Variants in ANKRD28 observed in about 807,000 individuals in gnomAD.
ANKRD28 encodes ankyrin repeat domain 28, also known as serine/threonine-protein phosphatase 6 regulatory ankyrin repeat subunit A.
In ANKRD28, 44 loss-of-function variants were observed where a neutral mutation model predicts 126.5. The ratio of observed to expected loss-of-function variants is 0.35; its 90% CI spans 0.27 to 0.45. ANKRD28 has a LOEUF of 0.45. Ranked by LOEUF, ANKRD28 falls within the 20% of genes least tolerant of loss-of-function variation. The probability of loss-of-function intolerance (pLI) is 1.00; values close to 1 mark genes in which losing one functional copy is unlikely to be tolerated. For synonymous variants in ANKRD28, 442 were observed against 468.5 expected (o/e 0.94, Z 0.73); for missense variants, 1,110 against 1,316.6 (o/e 0.84, Z 2.43).
chr3:15,699,800 G>T (rs1233109475), intron 14 of ANKRD28, among the ~76,000 whole-genome samples: 1 of 152,222 alleles, frequency 6.6e-6, no homozygotes, highest in Non-Finnish European at 1.5e-5. Flanking sequence ...GTGTAAATTA[G>T]TTCAACCATT....
chr3:15,764,609 A>G (rs1470083880), intron 3 of ANKRD28, among the ~76,000 whole-genome samples: 2 of 152,136 alleles, frequency 1.3e-5, no homozygotes, highest in Non-Finnish European at 2.9e-5. Context: ...AAAAATAATC[A>G]GAATTCTGTG....
At chr3:15,771,374 C>A (rs1332312892) in intron 2 of ANKRD28, among the ~76,000 whole-genome samples, 3 of 146,228 alleles carry the variant, frequency 2.1e-5, no homozygotes, top group African/African-American at 7.6e-5. Context: ...CCCGCCACTG[C>A]ACTGCAGCCT....
intron 6 of ANKRD28, among the ~76,000 whole-genome samples, chr3:15,730,680 T>A (rs891552908): frequency 1.3e-5 from 2 of 152,204 alleles, no homozygotes; most frequent in Admixed American, 6.5e-5. Flanking sequence ...TTTTAGAAGC[T>A]ATATGTCGAT....
Position 15,686,236 on chromosome 3 carries a change from T to G in ANKRD28, c.2037A>C (p.Gln679His). The change falls in exon 19 of 28, where the codon CAA becomes CAC. Residue 679 changes from glutamine (Q) to histidine (H), a missense_variant. Coordinates refer to ENST00000683139, the MANE Select transcript of ANKRD28 (RefSeq NM_001349278.2). ...NAEPQNAVDI[Q>H]DGNGQTPLML... Reference sequence around the variant, plus strand: ...TCGAAACTTACTGTCCATTTCCATCTTGAATATCCACTGCATTCTGTGGTT... The same window carrying G: ...TCGAAACTTACTGTCCATTTCCATCGTGAATATCCACTGCATTCTGTGGTT... The G allele has an allele frequency of 6.3e-7, 1 of 1,592,702 alleles. No homozygotes were observed. Among genetic ancestry groups the G allele is most frequent in the Non-Finnish European group, 8.6e-7 (1 of 1,168,160 alleles).
intron 1 of ANKRD28, among the ~76,000 whole-genome samples, chr3:15,858,467 C>A (rs912818344): frequency 2.6e-5 from 4 of 152,208 alleles, no homozygotes; most frequent in Non-Finnish European, 4.4e-5. Context: ...GGTTCTTCCC[C>A]ATTGTTTTCG....
Position 15,828,289 on chromosome 3 carries a change from T to G in ANKRD28, c.27+31088A>C, listed in dbSNP as rs146734113. 2.4e-3 allele frequency among the ~76,000 whole-genome samples: 364 copies of G among 152,226 alleles called. 7 individuals are homozygous for G. Among genetic ancestry groups the G allele is most frequent in the South Asian group, 2.7e-3 (13 of 4,832 alleles). Reference sequence around the variant, plus strand: ...GAATGATTATGGAAAAATTATTACCTTCTGAAAGTCTCAGAGAAACATGAA... The same window carrying G: ...GAATGATTATGGAAAAATTATTACCGTCTGAAAGTCTCAGAGAAACATGAA... On this transcript the variant is annotated intron_variant, in intron 1 of 27. Transcript: ENST00000399451.
intron 6 of ANKRD28, among the ~76,000 whole-genome samples, chr3:15,731,662 C>T (rs150962529): frequency 6.6e-6 from 1 of 151,838 alleles, no homozygotes; most frequent in Admixed American, 6.6e-5. Context: ...CCAGCCTGGT[C>T]AACATGGTGA....
chr3:15,826,435 T>G (rs2061068631), intron 1 of ANKRD28, among the ~76,000 whole-genome samples: 1 of 152,300 alleles, frequency 6.6e-6, no homozygotes, highest in East Asian at 1.9e-4. Flanking sequence ...AATTTAAAAT[T>G]TTAGAAAACA....
rs143796365 is a variant in ANKRD28 at position 15,829,672 on chromosome 3, A to C, written c.27+29705T>G. On this transcript the variant is annotated intron_variant, in intron 1 of 27. Coordinates refer to the ANKRD28 transcript ENST00000399451. ...TACAATATCAAAAGTCATATTTATT[A>C]ATATTACTACCAAAGCCACCACAAA... 8.5e-5 allele frequency among the ~76,000 whole-genome samples: 13 copies of C among 152,290 alleles called. 1 individual carries two copies. The highest frequency in any genetic ancestry group is 3.1e-4 in the African/African-American group (13 of 41,564).
chr3:15,755,338 C>T (rs762690390), intron 3 of ANKRD28, among the ~76,000 whole-genome samples: 6 of 152,058 alleles, frequency 3.9e-5, no homozygotes, highest in Non-Finnish European at 8.8e-5. Context: ...CAGTAATGTA[C>T]ACTACAAGAG....
At position 15,739,149 on chromosome 3, in the gene ANKRD28, T is replaced by C. The variant is rs139062909; in HGVS notation, c.352-1916A>G. Among the ~76,000 whole-genome samples, 642 of 152,224 alleles carry C rather than the reference T, an allele frequency of 4.2e-3. 4 individuals are homozygous for C. The highest frequency in any genetic ancestry group is 0.019 in the East Asian group (98 of 5,176). On this transcript the variant is annotated intron_variant, in intron 4 of 27. Coordinates refer to ENST00000683139, the MANE Select transcript of ANKRD28 (RefSeq NM_001349278.2). ...ACAATTTGTGCAGTTAACTCAATCA[T>C]CACAGGGTCCTGAGGTGATGTACAT...
intron 7 of ANKRD28, among the ~76,000 whole-genome samples, chr3:15,721,759 T>C (rs2073758390): frequency 6.6e-6 from 1 of 152,234 alleles, no homozygotes; most frequent in Non-Finnish European, 1.5e-5. Context: ...CTTTTCTTTT[T>C]TTTGAGACAG....
At chr3:15,823,695 C>A (rs2060995571) in intron 1 of ANKRD28, among the ~76,000 whole-genome samples, 1 of 152,140 alleles carries the variant, frequency 6.6e-6, no homozygotes, top group Non-Finnish European at 1.5e-5. Flanking sequence ...CCAAATTCAG[C>A]AGCATATTGA....
At chr3:15,749,677 C>G (rs1157743142) in intron 4 of ANKRD28, among the ~76,000 whole-genome samples, 1 of 152,166 alleles carries the variant, frequency 6.6e-6, no homozygotes, top group Non-Finnish European at 1.5e-5. Context: ...ATTATTTTGT[C>G]CCACTGGGTG....
At chr3:15,758,421 C>T (rs1277093941) in intron 3 of ANKRD28, among the ~76,000 whole-genome samples, 2 of 152,064 alleles carry the variant, frequency 1.3e-5, no homozygotes, top group East Asian at 3.8e-4. Flanking sequence ...GTTGTGGATA[C>T]CAGCTATTGT....
intron 8 of ANKRD28, among the ~76,000 whole-genome samples, chr3:15,715,736 A>G (rs543841991): frequency 1.3e-5 from 2 of 152,302 alleles, no homozygotes; most frequent in African/African-American, 4.8e-5. Flanking sequence ...TGAGGATAAT[A>G]CCATCTACAT....
upstream of ANKRD28, among the ~76,000 whole-genome samples, chr3:15,799,240 A>G (rs2060405199): frequency 1.3e-5 from 2 of 151,986 alleles, no homozygotes; most frequent in South Asian, 4.1e-4. Context: ...ACAAAGGAAT[A>G]TACTATTTAT....
Position 15,733,525 on chromosome 3 carries a change from T to C in ANKRD28, c.640+1885A>G, listed in dbSNP as rs188456543. On this transcript the variant is annotated intron_variant, in intron 6 of 27. Transcript: ENST00000683139. ...GGCACTTTAATATTTTCTTCAAATA[T>C]CATTTCTTAAAATTAATCATGCTTT... 1.5e-4 allele frequency: 23 copies of C among 152,372 alleles called. No individual in the cohort carries two copies. The East Asian group carries it at 4.4e-3, about 29-fold the overall frequency. 9.4% of individuals were successfully genotyped at this position (152,372 alleles called of 1,614,324 possible). A position where few individuals can be genotyped will look rare whatever the true frequency, so the allele number is the denominator to read the frequency against.
rs1311233094 is a variant in ANKRD28 at position 15,816,586 on chromosome 3, G to T, written c.28-21280C>A. 6.6e-6 allele frequency among the ~76,000 whole-genome samples: 1 copy of T among 152,092 alleles called. No individual in the cohort carries two copies. Among genetic ancestry groups the T allele is most frequent in the African/African-American group, 2.4e-5 (1 of 41,416 alleles). The stretch of plus-strand genomic sequence containing the variant: ...CTTTAAAGTCTTTCTGTTCTATAAA[G>T]TTGCTTCAAAAGGAAAAGTGTTTGG... On this transcript the variant is annotated intron_variant, in intron 1 of 27. Coordinates refer to the ANKRD28 transcript ENST00000399451. The surrounding 1 kb of genome is among the most constrained non-coding windows in gnomAD (Gnocchi z 5.0).
Sources: allele counts gnomAD v4.1 joint callset (sites outside exome capture counted in the v4.1 genomes callset), GRCh38; gene constraint gnomAD v4.1.1; non-coding constraint Gnocchi (gnomAD v3.1); transcripts MANE v1.5; gene names NCBI Gene and HGNC (gene_info 2026-07-23, HGNC 2026-07-21).